The following LDB3 variants were observed in gnomAD, a reference collection of about 807,000 sequenced individuals.
LDB3 encodes LIM domain binding 3, also known as LIM domain-binding protein 3.
Under a neutral mutation model 69.0 loss-of-function variants are expected in LDB3, and 49 were observed. The observed-to-expected ratio is 0.71, with a 90% CI of 0.56 to 0.90. LDB3 has a LOEUF of 0.90. LDB3 is among the 40% of genes least tolerant of loss of function. LDB3 has a pLI of 0.00. For synonymous variants in LDB3, 387 were observed against 396.2 expected (o/e 0.98, Z 0.28); for missense variants, 928 against 974.1 (o/e 0.95, Z 0.63).
intron 2 of LDB3, among the ~76,000 whole-genome samples, chr10:86,678,232 G>A (rs749397627): frequency 1.3e-4 from 19 of 151,848 alleles, no homozygotes; most frequent in Non-Finnish European, 2.4e-4. Flanking sequence ...TGTAATTTTG[G>A]TACAGACGGG....
chr10:86,707,343 TG>T (rs1416267861), intron 8 of LDB3, among the ~76,000 whole-genome samples: 3 of 152,296 alleles, frequency 2.0e-5, no homozygotes, highest in African/African-American at 7.2e-5. Context: ...TCTGTTAAGA[TG>T]TTTACCTAAC....
intron 2 of LDB3, among the ~76,000 whole-genome samples, chr10:86,673,845 C>T (rs924936059): frequency 6.6e-6 from 1 of 152,198 alleles, no homozygotes; most frequent in Non-Finnish European, 1.5e-5. Context: ...CTGGTTTGAA[C>T]ACCGGGAGTG....
intron 9 of LDB3, among the ~76,000 whole-genome samples, chr10:86,713,691 T>G (rs919621942): frequency 6.6e-6 from 1 of 152,224 alleles, no homozygotes; most frequent in Non-Finnish European, 1.5e-5. Context: ...CCTGGTGGTG[T>G]TCCTGGAATC....
chr10:86,724,602 C>CAA (rs200011805), intron 12 of LDB3, among the ~76,000 whole-genome samples: 1 of 133,858 alleles, frequency 7.5e-6, no homozygotes, highest in African/African-American at 2.8e-5. Flanking sequence ...GACTCCGTCG[C>CAA]AAAAAAAAAT....
At position 86,668,547 on chromosome 10, in the gene LDB3, G is replaced by T; in HGVS notation, c.-47G>T. On this transcript the variant is annotated 5_prime_UTR_variant, in exon 1 of 14. Transcript: ENST00000361373. ...CCTCTCAAGAGCTCCACGCAGCCCG[G>T]CTGGGCAGCAAGGGACAGAACAGGC... 2.7e-6 allele frequency: 2 copies of T among 738,006 alleles called. No individual in the cohort carries two copies. The highest frequency in any genetic ancestry group is 1.4e-5 in the South Asian group (1 of 69,902). 45.7% of individuals were successfully genotyped at this position (738,006 alleles called of 1,614,324 possible). A position where few individuals can be genotyped will look rare whatever the true frequency, so the allele number is the denominator to read the frequency against.
intron 9 of LDB3, among the ~76,000 whole-genome samples, chr10:86,715,590 C>G (rs1417463460): frequency 6.6e-6 from 1 of 152,190 alleles, no homozygotes; most frequent in African/African-American, 2.4e-5. Context: ...CAGACACACT[C>G]TCAGCTTCCA....
At chr10:86,674,227 C>T (rs1844647178) in intron 2 of LDB3, among the ~76,000 whole-genome samples, 1 of 152,218 alleles carries the variant, frequency 6.6e-6, no homozygotes, top group Non-Finnish European at 1.5e-5. Context: ...ACCCTCCTTA[C>T]ATAATCCCCT....
Position 86,692,064 on chromosome 10 carries a change from C to T in LDB3, c.858C>T (p.Phe286=), listed in dbSNP as rs764056994. 1.9e-6 allele frequency: 3 copies of T among 1,614,018 alleles called. No individual in the cohort carries two copies. In the South Asian group the frequency reaches 3.3e-5, roughly 18 times the overall value. The change falls in exon 6 of 14, where the codon TTC becomes TTT. Residue 286 remains phenylalanine (F), a splice_region_variant and synonymous_variant. Coordinates refer to ENST00000361373, the MANE Select transcript of LDB3 (RefSeq NM_007078.3). ...TGGCCCAGATGACGGGGACAGAATTCAGTGAGTGCAGGCTCTCAGGGTGGC... is the reference window on the plus strand; with the variant it reads ...TGGCCCAGATGACGGGGACAGAATTTAGTGAGTGCAGGCTCTCAGGGTGGC... ...RILAQMTGTE[F]MQDPDEEALR...
At chr10:86,719,421 T>C (rs1388185262) in intron 12 of LDB3, among the ~76,000 whole-genome samples, 2 of 152,012 alleles carry the variant, frequency 1.3e-5, no homozygotes, top group Non-Finnish European at 2.9e-5. Flanking sequence ...AGATCACAAG[T>C]TGGCATCTTA....
chr10:86,694,362 T>C (rs965062504), intron 7 of LDB3, among the ~76,000 whole-genome samples: 8 of 152,150 alleles, frequency 5.3e-5, no homozygotes, highest in African/African-American at 1.9e-4. Flanking sequence ...GAAAGTTTGG[T>C]TCAGCCTCAG....
intron 9 of LDB3, among the ~76,000 whole-genome samples, chr10:86,712,466 C>G (rs546708006): frequency 5.3e-5 from 8 of 152,296 alleles, no homozygotes; most frequent in African/African-American, 1.7e-4. Context: ...AAGCGGGCAT[C>G]TGCTGTTGAG....
Position 86,720,172 on chromosome 10 carries a change from C to T in LDB3, c.1978+1325C>T, listed in dbSNP as rs376562192. Among the ~76,000 whole-genome samples the T allele has an allele frequency of 1.1e-3, 173 of 152,276 alleles. 1 individual carries two copies. Among genetic ancestry groups the T allele is most frequent in the African/African-American group, 4.0e-3 (166 of 41,566 alleles). On this transcript the variant is annotated intron_variant, in intron 12 of 13. Coordinates refer to ENST00000361373, the MANE Select transcript of LDB3 (RefSeq NM_007078.3). ...AGAAAATAAACGTTTTGGCTGGGCG[C>T]GGTGGCTCACGCCTGTAATCCCAGC...
intron 2 of LDB3, among the ~76,000 whole-genome samples, chr10:86,670,615 GC>G (rs1844418650): frequency 6.6e-6 from 1 of 152,228 alleles, no homozygotes. Flanking sequence ...TTAAATGGCA[GC>G]CCAGAAGCCT....
intron 12 of LDB3, among the ~76,000 whole-genome samples, chr10:86,719,100 A>G (rs562797861): frequency 6.6e-6 from 1 of 152,330 alleles, no homozygotes; most frequent in South Asian, 2.1e-4. Flanking sequence ...TATTTTATGC[A>G]TCAAATATGT....
chr10:86,667,191 A>C (rs952340275), upstream of LDB3, among the ~76,000 whole-genome samples: 10 of 152,156 alleles, frequency 6.6e-5, no homozygotes, highest in Non-Finnish European at 8.8e-5. Context: ...CAACCCCGTA[A>C]TATGGGTGAT....
intron 12 of LDB3, among the ~76,000 whole-genome samples, chr10:86,719,138 C>A (rs1291837579): frequency 1.3e-5 from 2 of 152,126 alleles, no homozygotes; most frequent in Admixed American, 1.3e-4. Context: ...GTGGCTCACA[C>A]CTTAATCCCA....
chr10:86,729,403 C>T (rs1158431733), intron 13 of LDB3, among the ~76,000 whole-genome samples: 1 of 152,214 alleles, frequency 6.6e-6, no homozygotes, highest in African/African-American at 2.4e-5. Context: ...ATGTCTTACC[C>T]ATCCCTCTTT....
At chr10:86,669,201 G>A (rs74516982) in intron 2 of LDB3, among the ~76,000 whole-genome samples, 3,902 of 152,262 alleles carry the variant, frequency 0.026, 129 homozygotes, top group African/African-American at 0.072. Context: ...GGAGAGGGCA[G>A]GTGATGGGCA....
rs1191650560 is a variant in LDB3 at position 86,734,052 on chromosome 10, C to T, written c.*1076C>T. The T allele has an allele frequency of 6.6e-6, 1 of 152,176 alleles. No homozygotes were observed. Among genetic ancestry groups the T allele is most frequent in the Non-Finnish European group, 1.5e-5 (1 of 68,050 alleles). The allele number at this position is 152,176 out of a possible 1,614,324, so 9.4% of individuals were successfully genotyped here. A position where few individuals can be genotyped will look rare whatever the true frequency, so the allele number is the denominator to read the frequency against. ...GAAGAGGAAACTTACTTTCTGCCAC[C>T]CTCAGTAAGAACACACGAGGAGGCA... is the stretch of plus-strand genomic sequence containing the variant. On this transcript the variant is annotated 3_prime_UTR_variant, in exon 14 of 14. Transcript: ENST00000361373.
Sources: gnomAD v4.1 joint callset for allele counts (sites outside exome capture counted in the v4.1 genomes callset) on GRCh38, gnomAD v4.1.1 for gene constraint, MANE v1.5 for transcripts, NCBI Gene and HGNC (gene_info 2026-07-23, HGNC 2026-07-21) for gene names.